LRBA: variants seen among roughly 807,000 people sequenced by gnomAD.
LRBA encodes lipopolysaccharide-responsive and beige-like anchor protein.
In LRBA, 176 loss-of-function variants were observed where a neutral mutation model predicts 330.0. The observed-to-expected ratio is 0.53, with a 90% CI of 0.47 to 0.60. The LOEUF (loss-of-function observed/expected upper bound fraction) is 0.60, where lower values mean the gene tolerates loss of function less well. LRBA is among the 20% of genes least tolerant of loss of function. The pLI is 0.00. For missense variants in LRBA, 3,259 were observed against 3,444.8 expected (o/e 0.95, Z 1.35); for synonymous variants, 1,230 against 1,193.0 (o/e 1.03, Z -0.64).
chr4:150,873,017 C>G (rs1449225264), intron 17 of LRBA, among the ~76,000 whole-genome samples: 1 of 152,102 alleles, frequency 6.6e-6, no homozygotes, highest in East Asian at 1.9e-4. Context: ...GTGTATCAAG[C>G]TAGCTTTCAG....
intron 34 of LRBA, among the ~76,000 whole-genome samples, chr4:150,784,816 C>A (rs1738799943): frequency 6.6e-6 from 1 of 152,156 alleles, no homozygotes; most frequent in Admixed American, 6.5e-5. Flanking sequence ...GGATCAAGAA[C>A]CCTGGTGTTC....
intron 36 of LRBA, among the ~76,000 whole-genome samples, chr4:150,716,555 AT>A (rs1214221153): frequency 6.6e-6 from 1 of 152,150 alleles, no homozygotes; most frequent in East Asian, 1.9e-4. Context: ...CACTCTTTAC[AT>A]TTTTTATTTT....
At chr4:150,609,325 A>G (rs1005029621) in intron 37 of LRBA, among the ~76,000 whole-genome samples, 9 of 152,174 alleles carry the variant, frequency 5.9e-5, no homozygotes, top group African/African-American at 2.2e-4. Flanking sequence ...TTGAGACAAG[A>G]GTTCTTTCTT....
At chr4:150,484,192 T>C (rs1407069742) in intron 42 of LRBA, among the ~76,000 whole-genome samples, 2 of 152,058 alleles carry the variant, frequency 1.3e-5, no homozygotes, top group Non-Finnish European at 1.5e-5. Context: ...TGGTCTCATA[T>C]AATGTTTTTG....
intron 40 of LRBA, among the ~76,000 whole-genome samples, chr4:150,568,754 A>G (rs1277842718): frequency 1.3e-5 from 2 of 152,158 alleles, no homozygotes; most frequent in Non-Finnish European, 2.9e-5. Flanking sequence ...AAAGCATTCT[A>G]AAACTCCATC....
rs1274352986 is a variant in LRBA at position 150,973,734 on chromosome 4, T to G, written c.216+40693A>C. Among the ~76,000 whole-genome samples the G allele has an allele frequency of 2.0e-5, 3 of 152,182 alleles. No homozygotes were observed. In the East Asian group the frequency reaches 5.8e-4, roughly 29 times the overall value. ...ATGACCAGACATGGTGGCTTGTGCCTGTAACCCCAGCACTTCACGAGGCTG... is the reference window on the plus strand; with the variant it reads ...ATGACCAGACATGGTGGCTTGTGCCGGTAACCCCAGCACTTCACGAGGCTG... On this transcript the variant is annotated intron_variant, in intron 2 of 56. Transcript: ENST00000651943.
intron 36 of LRBA, among the ~76,000 whole-genome samples, chr4:150,723,916 GC>G (rs972134259): frequency 3.9e-5 from 6 of 152,226 alleles, no homozygotes; most frequent in African/African-American, 1.4e-4. Flanking sequence ...ATCAGTGGTG[GC>G]CTGAAGGAAT....
At chr4:150,678,614 T>C (rs1031517498) in intron 37 of LRBA, among the ~76,000 whole-genome samples, 46 of 152,182 alleles carry the variant, frequency 3.0e-4, no homozygotes, top group African/African-American at 1.1e-3. Context: ...TTGTTAGCTA[T>C]TGATTTTTTC....
chr4:150,797,404 TTAAAAGACTACA>T (rs1740949302), intron 34 of LRBA, among the ~76,000 whole-genome samples: 1 of 151,840 alleles, frequency 6.6e-6, no homozygotes, highest in South Asian at 2.1e-4. Flanking sequence ...AGATATCACT[TTAAAAGACTACA>T]AAGAAAACTC....
chr4:150,285,886 A>G (rs1748075817), intron 54 of LRBA, 47 bp downstream of exon 54: 2 of 1,248,610 alleles, frequency 1.6e-6, no homozygotes, highest in African/African-American at 3.1e-5. Context: ...TTGTTTCTAG[A>G]AGACAGCAAG....
At chr4:150,639,267 G>C (rs1225031757) in intron 37 of LRBA, among the ~76,000 whole-genome samples, 1 of 138,422 alleles carries the variant, frequency 7.2e-6, no homozygotes, top group Non-Finnish European at 1.5e-5. Flanking sequence ...GCTAGATGAC[G>C]AGTTAGTGGG....
At chr4:150,966,394 G>A (rs977669738) in intron 2 of LRBA, among the ~76,000 whole-genome samples, 49 of 149,554 alleles carry the variant, frequency 3.3e-4, no homozygotes, top group Non-Finnish European at 7.2e-4. Context: ...TGCAAGCTCT[G>A]CCTCCCAGGT....
chr4:150,684,592 T>A (rs1783365630), intron 36 of LRBA, among the ~76,000 whole-genome samples: 2 of 152,184 alleles, frequency 1.3e-5, no homozygotes, highest in Admixed American at 6.5e-5. Context: ...ATTGCTAGTC[T>A]CCAAAATGCT....
chr4:150,477,468 G>T (rs1756841228), intron 42 of LRBA, among the ~76,000 whole-genome samples: 1 of 152,026 alleles, frequency 6.6e-6, no homozygotes, highest in Admixed American at 6.6e-5. Context: ...GGAGAACCAA[G>T]AAAAAATTAA....
At chr4:150,797,775 A>C (rs1741004227) in intron 34 of LRBA, among the ~76,000 whole-genome samples, 1 of 152,108 alleles carries the variant, frequency 6.6e-6, no homozygotes, top group Non-Finnish European at 1.5e-5. Flanking sequence ...AAGATATAGA[A>C]ATAAATCTGT....
chr4:150,329,397 C>G (rs1414418100), intron 48 of LRBA, among the ~76,000 whole-genome samples: 1 of 151,818 alleles, frequency 6.6e-6, no homozygotes, highest in South Asian at 2.1e-4. Flanking sequence ...TTTTAAAATT[C>G]ATTTGCCATT....
intron 40 of LRBA, among the ~76,000 whole-genome samples, chr4:150,509,616 T>C (rs1229655500): frequency 6.6e-6 from 1 of 150,902 alleles, no homozygotes; most frequent in Non-Finnish European, 1.5e-5. Flanking sequence ...GCTGTTTTTG[T>C]GTTTTGTTTT....
chr4:150,660,349 T>TG (rs1325254539), intron 37 of LRBA, among the ~76,000 whole-genome samples: 3 of 53,124 alleles, frequency 5.6e-5, no homozygotes, highest in Admixed American at 1.8e-4. Context: ...GGGAGGGAGG[T>TG]GGGGGGGGTC....
intron 47 of LRBA, among the ~76,000 whole-genome samples, chr4:150,364,252 A>G (rs1473671923): frequency 2.6e-5 from 4 of 152,228 alleles, no homozygotes; most frequent in Non-Finnish European, 5.9e-5. Context: ...ACACTATAAC[A>G]ATACCAGCAG....
Sources: allele counts gnomAD v4.1 joint callset (sites outside exome capture counted in the v4.1 genomes callset), GRCh38; gene constraint gnomAD v4.1.1; transcripts MANE v1.5; gene names NCBI Gene and HGNC (gene_info 2026-07-23, HGNC 2026-07-21).